The following MBNL1 variants were observed in gnomAD, a reference collection of about 807,000 sequenced individuals.
The protein encoded by MBNL1 is muscleblind like splicing regulator 1, also known as muscleblind-like protein 1.
Under a neutral mutation model 42.2 loss-of-function variants are expected in MBNL1, and 8 were observed. That is an observed-to-expected ratio of 0.19 (90% CI 0.11 to 0.34). The LOEUF (loss-of-function observed/expected upper bound fraction) is 0.34. Among genes scored for constraint, MBNL1 ranks in the 10% least tolerant of loss-of-function variants. MBNL1 has a pLI of 1.00. For missense variants in MBNL1, 309 were observed against 495.3 expected, an observed-to-expected ratio of 0.62 and a Z score of 3.57; for synonymous variants, 169 against 173.9, an observed-to-expected ratio of 0.97 and a Z score of 0.22.
chr3:152,279,113 T>G (rs1374959426), intron 1 of MBNL1, among the ~76,000 whole-genome samples: 1 of 152,062 alleles, frequency 6.6e-6, no homozygotes, highest in African/African-American at 2.4e-5. Flanking sequence ...GTGGAAGTAG[T>G]GATGAAAGCT....
intron 2 of MBNL1, among the ~76,000 whole-genome samples, chr3:152,333,975 AAT>A (rs2087341881): frequency 1.3e-5 from 2 of 152,346 alleles, no homozygotes; most frequent in South Asian, 4.1e-4. Flanking sequence ...TTGTTTCCAA[AAT>A]GGGAGCAGTA....
At chr3:152,449,554 C>T (rs372263724) in intron 6 of MBNL1, among the ~76,000 whole-genome samples, 21 of 151,958 alleles carry the variant, frequency 1.4e-4, no homozygotes, top group African/African-American at 3.9e-4. Context: ...GTATGATGAC[C>T]CTTACTTGTG....
At chr3:152,338,713 AAAAAC>A (rs2092111210) in intron 2 of MBNL1, 4 of 981,814 alleles carry the variant, frequency 4.1e-6, no homozygotes, top group Non-Finnish European at 4.8e-6. Flanking sequence ...TCTAGAAGCT[AAAAAC>A]AAAACCCTGT....
intron 2 of MBNL1, among the ~76,000 whole-genome samples, chr3:152,401,398 C>G (rs888430878): frequency 6.6e-6 from 1 of 152,142 alleles, no homozygotes; most frequent in African/African-American, 2.4e-5. Flanking sequence ...CAAATTTAAC[C>G]TATTAAAATG....
intron 2 of MBNL1, among the ~76,000 whole-genome samples, chr3:152,380,076 G>C (rs963284806): frequency 1.3e-5 from 2 of 152,060 alleles, no homozygotes; most frequent in African/African-American, 4.8e-5. Flanking sequence ...TTGCTCAGTA[G>C]TACATAACAG....
At position 152,283,983 on chromosome 3, in the gene MBNL1, T is replaced by G. The variant is rs568490362; in HGVS notation, c.-790+14891T>G. Among the ~76,000 whole-genome samples the G allele has an allele frequency of 7.9e-5, 12 of 152,332 alleles. No individual in the cohort carries two copies. In the East Asian group the frequency reaches 2.1e-3, roughly 27 times the overall value. ...CTACTGTGTACTTCTCGCTTCCTTT[T>G]TTATATATAGTTATTTGTGTGTTAG... On this transcript the variant is annotated intron_variant, in intron 1 of 9. Transcript: ENST00000324210.
intron 2 of MBNL1, chr3:152,340,664 T>C (rs377729092): frequency 8.7e-6 from 14 of 1,613,916 alleles, no homozygotes; most frequent in Non-Finnish European, 1.2e-5. Context: ...AGTGTTAGAA[T>C]CTTATTCGCA....
At chr3:152,388,187 A>G (rs2097531335) in intron 2 of MBNL1, among the ~76,000 whole-genome samples, 1 of 152,148 alleles carries the variant, frequency 6.6e-6, no homozygotes, top group Non-Finnish European at 1.5e-5. Flanking sequence ...AATTTTCATC[A>G]GGTGCTCTGA....
At chr3:152,426,574 A>C (rs2098935076) in intron 3 of MBNL1, among the ~76,000 whole-genome samples, 1 of 152,306 alleles carries the variant, frequency 6.6e-6, no homozygotes, top group African/African-American at 2.4e-5. Flanking sequence ...TGTTGTTGCC[A>C]GGCTCTCTTC....
At chr3:152,385,798 C>T (rs1312632337) in intron 2 of MBNL1, among the ~76,000 whole-genome samples, 7 of 151,942 alleles carry the variant, frequency 4.6e-5, no homozygotes, top group Non-Finnish European at 5.9e-5. Flanking sequence ...TGGATCACCA[C>T]CTGAAGACTA....
intron 2 of MBNL1, among the ~76,000 whole-genome samples, chr3:152,411,674 C>T (rs1236419857): frequency 6.6e-6 from 1 of 152,128 alleles, no homozygotes; most frequent in Non-Finnish European, 1.5e-5. Context: ...ACTTTAGATA[C>T]CGATGAATTT....
chr3:152,419,981 A>G (rs985017132), intron 3 of MBNL1, among the ~76,000 whole-genome samples: 1 of 152,198 alleles, frequency 6.6e-6, no homozygotes, highest in Admixed American at 6.5e-5. Context: ...ATGTAAACCA[A>G]GCTGCCAGGA....
chr3:152,408,135 C>T (rs1294865619), intron 2 of MBNL1, among the ~76,000 whole-genome samples: 3 of 151,972 alleles, frequency 2.0e-5, no homozygotes, highest in African/African-American at 4.8e-5. Flanking sequence ...GCACAGGTAC[C>T]CCAGAACTTA....
At chr3:152,383,294 A>G (rs887962981) in intron 2 of MBNL1, among the ~76,000 whole-genome samples, 7 of 152,078 alleles carry the variant, frequency 4.6e-5, no homozygotes, top group Admixed American at 4.6e-4. Flanking sequence ...TGAGGAGTCT[A>G]TATTTGAGTT....
chr3:152,378,949 T>C (rs1225274691), intron 2 of MBNL1, among the ~76,000 whole-genome samples: 1 of 151,898 alleles, frequency 6.6e-6, no homozygotes, highest in Non-Finnish European at 1.5e-5. Flanking sequence ...CTCCTGGGCT[T>C]AAGTGAGTCC....
chr3:152,398,198 T>C (rs1308601154), intron 2 of MBNL1, among the ~76,000 whole-genome samples: 1 of 152,194 alleles, frequency 6.6e-6, no homozygotes, highest in Non-Finnish European at 1.5e-5. Flanking sequence ...ATGTAGAGAC[T>C]GGGCCCTATT....
At chr3:152,332,231 T>C (rs2085191374) in intron 2 of MBNL1, among the ~76,000 whole-genome samples, 1 of 152,240 alleles carries the variant, frequency 6.6e-6, no homozygotes, top group Non-Finnish European at 1.5e-5. Flanking sequence ...TGTTATGATC[T>C]ATCTTATGTA....
intron 3 of MBNL1, among the ~76,000 whole-genome samples, chr3:152,425,768 C>T (rs556191073): frequency 1.3e-5 from 2 of 152,226 alleles, no homozygotes; most frequent in South Asian, 4.1e-4. Context: ...TAAATTAGTT[C>T]AACCATGTGG....
chr3:152,389,588 C>T (rs1163910064), intron 2 of MBNL1, among the ~76,000 whole-genome samples: 1 of 152,062 alleles, frequency 6.6e-6, no homozygotes. Context: ...GTACTGAATA[C>T]CAAGGGCAAT....
Sources: allele counts gnomAD v4.1 joint callset (sites outside exome capture counted in the v4.1 genomes callset), GRCh38; gene constraint gnomAD v4.1.1; transcripts MANE v1.5; gene names NCBI Gene and HGNC (gene_info 2026-07-23, HGNC 2026-07-21).